Variants in BCAR3 observed in about 807,000 individuals in gnomAD.
BCAR3 encodes the protein BCAR3 adaptor protein, NSP family member.
A neutral mutation model predicts 80.1 loss-of-function variants in BCAR3; 37 were observed. The ratio of observed to expected loss-of-function variants is 0.46; its 90% CI spans 0.36 to 0.61. The LOEUF (loss-of-function observed/expected upper bound fraction) is 0.61, where lower values mean the gene tolerates loss of function less well. Among genes scored for constraint, BCAR3 ranks in the 20% least tolerant of loss-of-function variants. The pLI is 0.00. For missense variants in BCAR3, 978 were observed against 1,068.2 expected (o/e 0.92, Z 1.18); for synonymous variants, 389 against 418.9 (o/e 0.93, Z 0.87).
intron 2 of BCAR3, among the ~76,000 whole-genome samples, chr1:93,733,660 G>A (rs1212175703): frequency 1.3e-5 from 2 of 152,230 alleles, no homozygotes; most frequent in Non-Finnish European, 1.5e-5. Flanking sequence ...TGGATGATGT[G>A]TGTGTGAGAG....
chr1:93,685,325 A>C (rs1648937476), upstream of BCAR3, among the ~76,000 whole-genome samples: 1 of 151,854 alleles, frequency 6.6e-6, no homozygotes, highest in Non-Finnish European at 1.5e-5. Context: ...TACTGCTATT[A>C]ATATTGTATG....
At chr1:93,689,118 A>C (rs1649077927) in intron 3 of BCAR3, among the ~76,000 whole-genome samples, 2 of 152,308 alleles carry the variant, frequency 1.3e-5, no homozygotes, top group South Asian at 4.1e-4. Context: ...GGAACATGGC[A>C]TGGATCTGGA....
intron 2 of BCAR3, among the ~76,000 whole-genome samples, chr1:93,660,151 A>C (rs1647585337): frequency 6.6e-6 from 1 of 152,074 alleles, no homozygotes; most frequent in Non-Finnish European, 1.5e-5. Flanking sequence ...AAGGGAATAA[A>C]ACATTGGAAG....
At chr1:93,595,333 G>A (rs750704399) in intron 3 of BCAR3, among the ~76,000 whole-genome samples, 1 of 152,128 alleles carries the variant, frequency 6.6e-6, no homozygotes, top group African/African-American at 2.4e-5. Flanking sequence ...GGAGGAAAAT[G>A]AGAGGAAAGG....
chr1:93,581,532 T>C (rs1393787933), intron 7 of BCAR3, among the ~76,000 whole-genome samples: 1 of 152,076 alleles, frequency 6.6e-6, no homozygotes, highest in Non-Finnish European at 1.5e-5. Flanking sequence ...TGCCTCAGCT[T>C]CCAGAGTAGC....
intron 2 of BCAR3, among the ~76,000 whole-genome samples, chr1:93,784,249 T>A (rs1449159792): frequency 6.6e-6 from 1 of 151,856 alleles, no homozygotes; most frequent in Non-Finnish European, 1.5e-5. Flanking sequence ...GGCATTTTGT[T>A]AAGCAACAGA....
intron 3 of BCAR3, among the ~76,000 whole-genome samples, chr1:93,687,199 A>G (rs1649005965): frequency 6.6e-6 from 1 of 152,230 alleles, no homozygotes; most frequent in African/African-American, 2.4e-5. Flanking sequence ...CATAGGCTAA[A>G]TAAATATAAT....
rs866563151 is a variant in BCAR3, at chr1:93,802,319, A to G, written c.-63+43248T>C. 2.6e-3 allele frequency among the ~76,000 whole-genome samples: 388 copies of G among 152,110 alleles called. 1 individual carries two copies. Among genetic ancestry groups the G allele is most frequent in the African/African-American group, 8.8e-3 (365 of 41,488 alleles). Reference sequence around the variant, plus strand: ...AGTCAGATCTCAACTTTAAAAGAAAAAAAAAAAAGAAAATTGTTTAGTGGA... The same window carrying G: ...AGTCAGATCTCAACTTTAAAAGAAAGAAAAAAAAGAAAATTGTTTAGTGGA... On this transcript the variant is annotated intron_variant, in intron 2 of 13. Coordinates refer to the BCAR3 transcript ENST00000370244.
rs1421696844 is a variant in BCAR3 at position 93,584,893 on chromosome 1, AGTT to A, written c.930-775_930-773del. On this transcript the variant is annotated intron_variant, in intron 5 of 11. Coordinates refer to ENST00000260502, the MANE Select transcript of BCAR3 (RefSeq NM_003567.4). ...AGAGACAGAGGCACTGCACCAGCCA[AGTT>A]GTTATGAACTTTAATTGGCCTTCCC... 3.6e-6 allele frequency: 3 copies of A among 841,388 alleles called. No homozygotes were observed. In the African/African-American group the frequency reaches 5.5e-5, roughly 16 times the overall value. The allele number at this position is 841,388 out of a possible 1,614,324, so 52.1% of individuals were successfully genotyped here. A position where few individuals can be genotyped will look rare whatever the true frequency, so the allele number is the denominator to read the frequency against.
Position 93,571,666 on chromosome 1 carries a change from T to G in BCAR3, c.1974+4A>C, listed in dbSNP as rs373789608. The stretch of plus-strand genomic sequence containing the variant: ...AAGTACACATAAAGTAATTGGAAAT[T>G]TACCTGTGGCATTTCCAGGGCTTTC... On this transcript the variant is annotated splice_donor_region_variant and intron_variant, in intron 9 of 11. Coordinates refer to ENST00000260502, the MANE Select transcript of BCAR3 (RefSeq NM_003567.4). 77 of 1,613,922 alleles carry G rather than the reference T, an allele frequency of 4.8e-5. No homozygotes were observed. Among genetic ancestry groups the G allele is most frequent in the Non-Finnish European group, 6.5e-5 (77 of 1,179,922 alleles).
rs527598265 is a variant in BCAR3, at chr1:93,786,054, G to T, written c.-63+59513C>A. 9.5e-4 allele frequency among the ~76,000 whole-genome samples: 134 copies of T among 141,406 alleles called. 11 individuals carry two copies. The highest frequency in any genetic ancestry group is 6.4e-4 in the East Asian group (3 of 4,680). The allele number at this position is 141,406 out of a possible 152,430, so 92.8% of individuals were successfully genotyped here. ...TAAAAATACAAAAAATTAGCCGGGC[G>T]TGGTGGCGGGCGCCTGTAGTCCCAG... On this transcript the variant is annotated intron_variant, in intron 2 of 13. Coordinates refer to the BCAR3 transcript ENST00000370244.
intron 5 of BCAR3, 123 bp downstream of exon 5, chr1:93,588,854 G>C: frequency 1.8e-6 from 2 of 1,102,930 alleles, no homozygotes; most frequent in African/African-American, 3.2e-5. Flanking sequence ...GCTATTCTGC[G>C]AACAGTCGGC....
chr1:93,797,057 A>G (rs1653302993), intron 2 of BCAR3, among the ~76,000 whole-genome samples: 1 of 152,206 alleles, frequency 6.6e-6, no homozygotes. Flanking sequence ...TATGTTTTCC[A>G]TAAATGTATA....
At chr1:93,720,670 T>C (rs898473695) in intron 2 of BCAR3, among the ~76,000 whole-genome samples, 1 of 152,232 alleles carries the variant, frequency 6.6e-6, no homozygotes, top group African/African-American at 2.4e-5. Flanking sequence ...TGTTTTTTCC[T>C]AATAAAAACT....
intron 2 of BCAR3, among the ~76,000 whole-genome samples, chr1:93,707,967 G>A (rs1449990360): frequency 6.6e-6 from 1 of 152,142 alleles, no homozygotes; most frequent in African/African-American, 2.4e-5. Context: ...GTGTGTAAAA[G>A]CAATGGATCT....
Position 93,674,781 on chromosome 1 carries a change from G to A in BCAR3, c.150C>T (p.Thr50=). 1 of 1,612,808 alleles carries A rather than the reference G, an allele frequency of 6.2e-7. No individual in the cohort carries two copies. The highest frequency in any genetic ancestry group is 8.5e-7 in the Non-Finnish European group (1 of 1,179,694). ...GAGGACCTTTTTTCTTCCGTGGAAGGGTGCCATGTATAGACACATCTTGAT... is the reference window on the plus strand; with the variant it reads ...GAGGACCTTTTTTCTTCCGTGGAAGAGTGCCATGTATAGACACATCTTGAT... ...DAYQDVSIHG[T]LPRKKKGPPP... Residue 50 remains threonine, a synonymous_variant, in exon 2 of 12, where the codon ACC becomes ACT. Transcript: ENST00000260502.
chr1:93,660,887 T>A (rs1647617253), intron 2 of BCAR3, among the ~76,000 whole-genome samples: 1 of 151,548 alleles, frequency 6.6e-6, no homozygotes, highest in African/African-American at 2.4e-5. Context: ...GATAATTTCT[T>A]TTTTTTTAGA....
intron 1 of BCAR3, among the ~76,000 whole-genome samples, chr1:93,678,595 G>T (rs999300659): frequency 4.6e-5 from 7 of 152,186 alleles, no homozygotes; most frequent in Non-Finnish European, 7.3e-5. Flanking sequence ...ACAAGCTCCT[G>T]CTCTCATGGA....
intron 2 of BCAR3, among the ~76,000 whole-genome samples, chr1:93,777,723 C>A (rs1469732409): frequency 1.3e-5 from 2 of 152,154 alleles, no homozygotes; most frequent in East Asian, 3.9e-4. Flanking sequence ...CCACACCTGG[C>A]CCAATATTTC....
Sources: allele counts gnomAD v4.1 joint callset (sites outside exome capture counted in the v4.1 genomes callset), GRCh38; gene constraint gnomAD v4.1.1; transcripts MANE v1.5; gene names NCBI Gene and HGNC (gene_info 2026-07-23, HGNC 2026-07-21).